PARP8: variants seen among roughly 807,000 people sequenced by gnomAD.
PARP8 encodes protein mono-ADP-ribosyltransferase PARP8.
PARP8 carries 51 observed loss-of-function variants against 124.1 expected under a neutral mutation model. The observed-to-expected ratio is 0.41, with a 90% CI of 0.33 to 0.52. PARP8 has a LOEUF of 0.52. PARP8 is among the 20% of genes least tolerant of loss of function. The probability of loss-of-function intolerance (pLI) is 0.21; values close to 1 mark genes in which losing one functional copy is unlikely to be tolerated. For synonymous variants in PARP8, 391 were observed against 361.5 expected (o/e 1.08, Z -0.93); for missense variants, 860 against 1,018.9 (o/e 0.84, Z 2.12).
chr5:50,775,498 C>A (rs756029031), intron 7 of PARP8, among the ~76,000 whole-genome samples: 1 of 151,608 alleles, frequency 6.6e-6, no homozygotes, highest in Non-Finnish European at 1.5e-5. Flanking sequence ...GAGGTTGCGG[C>A]GAGCCGAGAT....
Position 50,747,959 on chromosome 5 carries a change from A to G in PARP8, c.147-2192A>G, listed in dbSNP as rs183021553. On this transcript the variant is annotated intron_variant, in intron 2 of 25. Transcript: ENST00000281631. ...GGCTAATTTTTTTTGTATTTTTAGT[A>G]TAGACCTTGCTTTTTTATCCATTCT... 6.7e-4 allele frequency among the ~76,000 whole-genome samples: 102 copies of G among 151,520 alleles called. 1 individual carries two copies. The East Asian group carries it at 7.2e-3, about 11-fold the overall frequency.
At chr5:50,798,409 G>A (rs1397432216) in intron 14 of PARP8, among the ~76,000 whole-genome samples, 1 of 149,090 alleles carries the variant, frequency 6.7e-6, no homozygotes, top group Admixed American at 6.7e-5. Context: ...GTGTGAAGCG[G>A]TTTCTATTTT....
intron 7 of PARP8, among the ~76,000 whole-genome samples, chr5:50,773,943 G>C (rs1761893521): frequency 1.3e-5 from 2 of 151,610 alleles, no homozygotes; most frequent in African/African-American, 2.4e-5. Context: ...AGATAAACAC[G>C]TGGACAAAGG....
chr5:50,732,792 G>A (rs1257745469), intron 2 of PARP8, among the ~76,000 whole-genome samples: 2 of 151,692 alleles, frequency 1.3e-5, no homozygotes, highest in South Asian at 4.2e-4. Flanking sequence ...CTAATTTTTT[G>A]TATTTTTATT....
chr5:50,739,957 G>T (rs1028249837), intron 2 of PARP8, among the ~76,000 whole-genome samples: 2 of 151,600 alleles, frequency 1.3e-5, no homozygotes, highest in African/African-American at 4.8e-5. Flanking sequence ...CACCATCTTG[G>T]CCAGGCTGGT....
intron 2 of PARP8, among the ~76,000 whole-genome samples, chr5:50,712,741 C>T (rs1277717779): frequency 6.6e-6 from 1 of 151,442 alleles, no homozygotes; most frequent in Non-Finnish European, 1.5e-5. Context: ...CGGGAGCATG[C>T]AGGGTGAGAA....
At chr5:50,740,528 T>G (rs2149533222) in intron 2 of PARP8, among the ~76,000 whole-genome samples, 1 of 152,238 alleles carries the variant, frequency 6.6e-6, no homozygotes, top group African/African-American at 2.4e-5. Flanking sequence ...TTAGGTGCTA[T>G]TAAAATTATG....
chr5:50,708,386 T>C (rs1256957845), intron 2 of PARP8, among the ~76,000 whole-genome samples: 1 of 152,134 alleles, frequency 6.6e-6, no homozygotes, highest in African/African-American at 2.4e-5. Context: ...GAAAACTTTA[T>C]TCTTTGTAAA....
intron 9 of PARP8, among the ~76,000 whole-genome samples, chr5:50,779,626 T>G (rs1740444172): frequency 6.6e-6 from 1 of 152,208 alleles, no homozygotes; most frequent in African/African-American, 2.4e-5. Context: ...ATAGTGAGTC[T>G]TTCATTGTAT....
intron 10 of PARP8, among the ~76,000 whole-genome samples, chr5:50,793,489 G>C (rs1742186992): frequency 6.6e-6 from 1 of 152,106 alleles, no homozygotes; most frequent in Non-Finnish European, 1.5e-5. Flanking sequence ...ATAAAGCACT[G>C]ATGGAGTGAT....
intron 2 of PARP8, among the ~76,000 whole-genome samples, chr5:50,679,036 A>G (rs1750977776): frequency 6.6e-6 from 1 of 152,192 alleles, no homozygotes; most frequent in African/African-American, 2.4e-5. Flanking sequence ...ATTATTGAAT[A>G]ACAATTTCTA....
At chr5:50,744,417 T>C (rs951153615) in intron 2 of PARP8, among the ~76,000 whole-genome samples, 15 of 152,324 alleles carry the variant, frequency 9.8e-5, no homozygotes, top group Admixed American at 6.5e-4. Flanking sequence ...TAGGTAGATA[T>C]GGAGCAACTG....
At position 50,690,886 on chromosome 5, in the gene PARP8, A is replaced by G. The variant is rs565105467; in HGVS notation, c.146+22761A>G. Reference sequence around the variant, plus strand: ...TCCCTATTATCCATAGTAGTTCTCTATGCTGTTTCTACTTCCCTTCTCTAC... The same window carrying G: ...TCCCTATTATCCATAGTAGTTCTCTGTGCTGTTTCTACTTCCCTTCTCTAC... On this transcript the variant is annotated intron_variant, in intron 2 of 25. Coordinates refer to ENST00000281631, the MANE Select transcript of PARP8 (RefSeq NM_024615.4). Among the ~76,000 whole-genome samples, 55 of 152,314 alleles carry G rather than the reference A, an allele frequency of 3.6e-4. 1 individual carries two copies. The highest frequency in any genetic ancestry group is 2.7e-3 in the Admixed American group (42 of 15,298).
intron 15 of PARP8, among the ~76,000 whole-genome samples, chr5:50,820,351 C>A (rs1745616973): frequency 6.6e-6 from 1 of 152,164 alleles, no homozygotes. Flanking sequence ...TGTGTTCACA[C>A]TGTAGATATG....
chr5:50,667,937 C>T (rs1749541758), intron 1 of PARP8, 134 bp from the exon 2 acceptor site: 15 of 1,554,076 alleles, frequency 9.7e-6, no homozygotes, highest in Non-Finnish European at 1.3e-5. Context: ...GCAGAGGGAC[C>T]TCGCCGCCCT....
chr5:50,829,108 T>C (rs1374610413), intron 21 of PARP8, among the ~76,000 whole-genome samples: 2 of 152,198 alleles, frequency 1.3e-5, no homozygotes, highest in African/African-American at 4.8e-5. Context: ...GATTGCATGC[T>C]AGAGAGCCAT....
chr5:50,686,069 G>T (rs754286482), intron 2 of PARP8, among the ~76,000 whole-genome samples: 1 of 152,160 alleles, frequency 6.6e-6, no homozygotes, highest in African/African-American at 2.4e-5. Flanking sequence ...ACTCATTTCA[G>T]CATTAACTCA....
At chr5:50,729,329 C>T (rs968728278) in intron 2 of PARP8, among the ~76,000 whole-genome samples, 1 of 151,918 alleles carries the variant, frequency 6.6e-6, no homozygotes, top group African/African-American at 2.4e-5. Flanking sequence ...TTTTTTCACA[C>T]TTGGCTATTT....
At chr5:50,740,546 A>G (rs891882225) in intron 2 of PARP8, among the ~76,000 whole-genome samples, 2 of 152,146 alleles carry the variant, frequency 1.3e-5, no homozygotes, top group Non-Finnish European at 1.5e-5. Flanking sequence ...ATGTTTGAGC[A>G]TGGCATGGCG....
Sources: allele counts gnomAD v4.1 joint callset (sites outside exome capture counted in the v4.1 genomes callset), GRCh38; gene constraint gnomAD v4.1.1; transcripts MANE v1.5; gene names NCBI Gene and HGNC (gene_info 2026-07-23, HGNC 2026-07-21).